The following VMP1 variants were observed in gnomAD, a reference collection of about 807,000 sequenced individuals.
VMP1 encodes ectopic P-granules autophagy protein 3 homolog.
In VMP1, 11 loss-of-function variants were observed where a neutral mutation model predicts 56.0. The observed-to-expected ratio is 0.20, with a 90% CI of 0.12 to 0.32. VMP1 has a LOEUF of 0.32. Among genes scored for constraint, VMP1 ranks in the 10% least tolerant of loss-of-function variants. The pLI is 1.00. For synonymous variants in VMP1, 149 were observed against 165.0 expected, an observed-to-expected ratio of 0.90 and a Z score of 0.74; for missense variants, 296 against 490.3, an observed-to-expected ratio of 0.60 and a Z score of 3.74.
chr17:59,773,914 CACTTT>C, intron 7 of VMP1, 29 bp downstream of exon 7: 1 of 1,546,044 alleles, frequency 6.5e-7, no homozygotes, highest in African/African-American at 1.4e-5. Flanking sequence ...GAAAATAGAA[CACTTT>C]ACTTCTTCCT....
intron 7 of VMP1, among the ~76,000 whole-genome samples, chr17:59,793,542 C>T (rs2037313902): frequency 8.6e-6 from 1 of 116,816 alleles, no homozygotes; most frequent in South Asian, 2.9e-4. Context: ...TAGGCAGGCA[C>T]CCACCTGAGT....
chr17:59,781,587 G>A (rs1294789921), intron 7 of VMP1, among the ~76,000 whole-genome samples: 1 of 152,184 alleles, frequency 6.6e-6, no homozygotes, highest in East Asian at 1.9e-4. Flanking sequence ...ATATACCTAA[G>A]AGTGAAATCA....
chr17:59,780,740 C>T (rs2036792720), intron 7 of VMP1, among the ~76,000 whole-genome samples: 2 of 152,100 alleles, frequency 1.3e-5, no homozygotes, highest in South Asian at 2.1e-4. Context: ...GCGTCCACCA[C>T]CACGCCTGGC....
At chr17:59,717,601 T>C (rs1468728665) in intron 1 of VMP1, among the ~76,000 whole-genome samples, 1 of 152,180 alleles carries the variant, frequency 6.6e-6, no homozygotes, top group Non-Finnish European at 1.5e-5. Flanking sequence ...CAGTCTGGTC[T>C]GGAACTCCTG....
chr17:59,779,683 T>C (rs1173336230), intron 7 of VMP1, among the ~76,000 whole-genome samples: 1 of 152,142 alleles, frequency 6.6e-6, no homozygotes, highest in Non-Finnish European at 1.5e-5. Context: ...ACCCCAACAT[T>C]TAGTGGTTTA....
intron 1 of VMP1, among the ~76,000 whole-genome samples, chr17:59,726,292 T>G (rs963647412): frequency 3.7e-4 from 20 of 53,458 alleles, no homozygotes; most frequent in South Asian, 6.6e-4. Flanking sequence ...GTTTTTTTTG[T>G]TTTTTTTTTT....
intron 1 of VMP1, among the ~76,000 whole-genome samples, chr17:59,712,295 A>C (rs2033963851): frequency 6.6e-6 from 1 of 152,238 alleles, no homozygotes; most frequent in African/African-American, 2.4e-5. Flanking sequence ...CTGAGTATAC[A>C]CTTCACTTTG....
intron 7 of VMP1, 90 bp from the exon 8 acceptor site, chr17:59,808,706 G>A: frequency 9.7e-7 from 1 of 1,030,342 alleles, no homozygotes; most frequent in East Asian, 2.5e-5. Flanking sequence ...AGTGTCATCA[G>A]ATTGGGAGAT....
chr17:59,765,520 C>T (rs1003565724), intron 6 of VMP1, among the ~76,000 whole-genome samples: 3 of 152,030 alleles, frequency 2.0e-5, no homozygotes, highest in South Asian at 2.1e-4. Flanking sequence ...TACTGTTGAA[C>T]GGAAGCCTTA....
intron 7 of VMP1, among the ~76,000 whole-genome samples, chr17:59,783,425 A>T (rs1362370695): frequency 1.3e-5 from 2 of 152,142 alleles, no homozygotes; most frequent in Admixed American, 6.5e-5. Context: ...TTGGCTTTCT[A>T]TCGTGTTTCC....
intron 1 of VMP1, among the ~76,000 whole-genome samples, chr17:59,709,538 T>G (rs1356734001): frequency 1.3e-5 from 2 of 152,182 alleles, no homozygotes; most frequent in Non-Finnish European, 2.9e-5. Context: ...ATGAAATTAT[T>G]AAATATGAAA....
chr17:59,768,936 C>T (rs2036331425), intron 6 of VMP1, among the ~76,000 whole-genome samples: 1 of 151,822 alleles, frequency 6.6e-6, no homozygotes, highest in Non-Finnish European at 1.5e-5. Context: ...GCCTGGCCAA[C>T]GTGGTGAAAG....
intron 10 of VMP1, among the ~76,000 whole-genome samples, chr17:59,835,402 C>T (rs2038948132): frequency 6.6e-6 from 1 of 152,070 alleles, no homozygotes; most frequent in African/African-American, 2.4e-5. Flanking sequence ...GCTGGGATCA[C>T]AGGTGTGAGC....
intron 10 of VMP1, among the ~76,000 whole-genome samples, chr17:59,832,302 A>G (rs2038835085): frequency 6.7e-6 from 1 of 148,248 alleles, no homozygotes; most frequent in African/African-American, 2.5e-5. Flanking sequence ...AGCTGGGACT[A>G]CAGGCACGTG....
intron 7 of VMP1, among the ~76,000 whole-genome samples, chr17:59,800,583 T>C (rs1296217150): frequency 2.0e-5 from 3 of 152,074 alleles, no homozygotes; most frequent in African/African-American, 7.2e-5. Flanking sequence ...AAGAAAGCAT[T>C]ATTAGCTCAG....
At chr17:59,792,176 C>G (rs2037255381) in intron 7 of VMP1, among the ~76,000 whole-genome samples, 1 of 152,062 alleles carries the variant, frequency 6.6e-6, no homozygotes, top group Admixed American at 6.6e-5. Flanking sequence ...ACTTGGAAGG[C>G]TGAGGCAGGA....
chr17:59,721,751 AT>A (rs1347260670), intron 1 of VMP1, among the ~76,000 whole-genome samples: 2 of 151,202 alleles, frequency 1.3e-5, no homozygotes, highest in Non-Finnish European at 2.9e-5. Context: ...AAACAAAACA[AT>A]TCTGCAATCT....
In VMP1 at chr17:59,809,562, A is replaced by G. The variant is rs539361264; in HGVS notation, c.795+686A>G. ...CGCTCTGTCGCCCAGGCGGTAGTGC[A>G]GTGGCGGGATCTCGGCTCACTGCAA... is the stretch of plus-strand genomic sequence containing the variant. On this transcript the variant is annotated intron_variant, in intron 8 of 11. Coordinates refer to ENST00000262291, the MANE Select transcript of VMP1 (RefSeq NM_030938.5). Among the ~76,000 whole-genome samples, 183 of 121,946 alleles carry G rather than the reference A, an allele frequency of 1.5e-3. 4 individuals are homozygous for G. Among genetic ancestry groups the G allele is most frequent in the African/African-American group, 6.0e-3 (173 of 29,042 alleles). The allele number at this position is 121,946 out of a possible 152,430, so 80.0% of individuals were successfully genotyped here. A position where few individuals can be genotyped will look rare whatever the true frequency, so the allele number is the denominator to read the frequency against.
chr17:59,738,654 T>G (rs1343782429), intron 4 of VMP1, among the ~76,000 whole-genome samples, 183 bp from the exon 5 acceptor site: 1 of 152,232 alleles, frequency 6.6e-6, no homozygotes, highest in Non-Finnish European at 1.5e-5. Flanking sequence ...CCAGTTAGAT[T>G]AATTTTTTTG....
Sources: gnomAD v4.1 joint callset for allele counts (sites outside exome capture counted in the v4.1 genomes callset) on GRCh38, gnomAD v4.1.1 for gene constraint, MANE v1.5 for transcripts, NCBI Gene and HGNC (gene_info 2026-07-23, HGNC 2026-07-21) for gene names.